Variants in ACOT1 observed in about 807,000 individuals in gnomAD.
ACOT1 encodes acyl-CoA thioesterase 1, also known as acyl-coenzyme A thioesterase 1.
A neutral mutation model predicts 15.7 loss-of-function variants in ACOT1; 8 were observed. The observed-to-expected ratio is 0.51, with a 90% CI of 0.30 to 0.92. The LOEUF is 0.92. Ranked by LOEUF, ACOT1 falls within the 40% of genes least tolerant of loss-of-function variation. ACOT1 has a pLI of 0.06. For synonymous variants in ACOT1, 67 were observed against 241.2 expected, an observed-to-expected ratio of 0.28 and a Z score of 6.69; for missense variants, 151 against 539.4, an observed-to-expected ratio of 0.28 and a Z score of 7.13.
the ACOT1 span, among the ~76,000 whole-genome samples, chr14:73,499,956 G>A: frequency 5.3e-5 from 8 of 152,294 alleles, no homozygotes; most frequent in South Asian, 2.1e-4. Context: ...TATGCCAGGC[G>A]CGGTGGCTCA....
the ACOT1 span, chr14:73,520,705 A>T: frequency 1.2e-5 from 8 of 695,408 alleles, no homozygotes; most frequent in African/African-American, 8.9e-5. Context: ...CTCCTGTGCT[A>T]GTGTGGGTGC....
At chr14:73,492,497 G>C in the ACOT1 span, 4 of 1,613,586 alleles carry the variant, frequency 2.5e-6, no homozygotes, top group Admixed American at 5.0e-5. This position sits in a 1 kb window ranked among gnomAD's most constrained non-coding sequence, Gnocchi z 4.9. Flanking sequence ...CTTTGCTCCT[G>C]TTGATGCTGT....
the ACOT1 span, among the ~76,000 whole-genome samples, chr14:73,519,801 A>G: frequency 6.6e-6 from 1 of 152,162 alleles, no homozygotes. Context: ...GCGGATCACA[A>G]GGTCAAGAGA....
the ACOT1 span, chr14:73,512,043 C>A: frequency 6.2e-7 from 1 of 1,614,076 alleles, no homozygotes; most frequent in Non-Finnish European, 8.5e-7. Flanking sequence ...GGGGCCGTTC[C>A]AAAGCAGCTG....
At chr14:73,512,025 G>A in the ACOT1 span, 2 of 1,613,840 alleles carry the variant, frequency 1.2e-6, no homozygotes, top group Non-Finnish European at 1.7e-6. Flanking sequence ...TCTGGCTGGT[G>A]GCAATCCGGG....
chr14:73,513,596 G>A, the ACOT1 span, among the ~76,000 whole-genome samples: 44 of 150,946 alleles, frequency 2.9e-4, no homozygotes, highest in African/African-American at 1.0e-3. Context: ...GTGTGGTGGC[G>A]GGTGCCTGTA....
the ACOT1 span, chr14:73,520,786 A>G: frequency 1.4e-6 from 2 of 1,448,388 alleles, no homozygotes; most frequent in South Asian, 1.3e-5. Context: ...TCCAGCCCCC[A>G]GCAATCTTCC....
the ACOT1 span, chr14:73,499,223 G>T: frequency 1.7e-6 from 2 of 1,186,896 alleles, no homozygotes; most frequent in Non-Finnish European, 2.5e-6. Context: ...GTGCACCCCT[G>T]TAATCCCAGC....
the ACOT1 span, chr14:73,521,162 C>A: frequency 3.7e-6 from 3 of 804,500 alleles, no homozygotes; most frequent in Non-Finnish European, 6.0e-6. Context: ...GTGAGCATTG[C>A]AGAACACCAA....
chr14:73,506,946 G>A, the ACOT1 span, among the ~76,000 whole-genome samples: 11 of 151,438 alleles, frequency 7.3e-5, no homozygotes, highest in African/African-American at 2.2e-4. Flanking sequence ...GATTACAGGC[G>A]CCTGCCACCA....
chr14:73,525,557 C>T, the ACOT1 span, among the ~76,000 whole-genome samples: 3 of 152,300 alleles, frequency 2.0e-5, no homozygotes, highest in African/African-American at 7.2e-5. Flanking sequence ...TGGCTACTCC[C>T]ACTGGCTGAA....
the ACOT1 span, chr14:73,491,167 G>A: frequency 3.1e-6 from 5 of 1,603,416 alleles, no homozygotes; most frequent in South Asian, 1.1e-5. Context: ...TATCCCGCAT[G>A]GCAGCGCTGA....
the ACOT1 span, among the ~76,000 whole-genome samples, chr14:73,511,265 CA>C: frequency 6.6e-6 from 1 of 152,054 alleles, no homozygotes; most frequent in Non-Finnish European, 1.5e-5. Context: ...GTAATCCCAG[CA>C]CTTTGGGAGG....
the ACOT1 span, chr14:73,508,147 A>C: frequency 6.2e-7 from 1 of 1,614,096 alleles, no homozygotes; most frequent in Non-Finnish European, 8.5e-7. Context: ...CTTCTCACTC[A>C]GATAGCTCAG....
the ACOT1 span, chr14:73,491,869 C>A: frequency 1.2e-6 from 2 of 1,610,842 alleles, no homozygotes; most frequent in African/African-American, 2.7e-5. Flanking sequence ...CGCTGCCCGC[C>A]GCCGCGTGGT....
the ACOT1 span, among the ~76,000 whole-genome samples, chr14:73,503,733 G>T: frequency 6.6e-6 from 1 of 152,170 alleles, no homozygotes; most frequent in South Asian, 2.1e-4. Context: ...AGCTGCTTCT[G>T]TTCTAGCTAT....
At position 73,537,843 on chromosome 14, in the gene ACOT1, C is replaced by G. The variant is rs199627073; in HGVS notation, c.422C>G (p.Ala141Gly). 3 of 1,198,172 alleles carry G rather than the reference C, an allele frequency of 2.5e-6. No homozygotes were observed. The highest frequency in any genetic ancestry group is 1.6e-5 in the African/African-American group (1 of 63,240). 74.2% of individuals were successfully genotyped at this position (1,198,172 alleles called of 1,614,324 possible). Residue 141 changes from alanine (A) to glycine (G), a missense_variant, in exon 1 of 3, where the codon GCG becomes GGG. Physicochemically the swap from Ala to Gly is moderately conservative, Grantham distance 60 (BLOSUM62 0). Transcript: ENST00000311148. Reference sequence around the variant, plus strand: ...GGGGTGCGGCGCGAGCCGGTGCGCGCGGGCCGGGTGCGAGGCACGCTCTTC... The same window carrying G: ...GGGGTGCGGCGCGAGCCGGTGCGCGGGGGCCGGGTGCGAGGCACGCTCTTC... ...PPGVRREPVR[A>G]GRVRGTLFLP... is the part of the protein sequence containing the mutation.
chr14:73,518,992 C>T, the ACOT1 span: 2 of 1,595,998 alleles, frequency 1.3e-6, no homozygotes, highest in South Asian at 2.3e-5. Flanking sequence ...CCGTTATTAA[C>T]CCCTGCCTTC....
chr14:73,526,375 A>G, the ACOT1 span, among the ~76,000 whole-genome samples: 1 of 152,180 alleles, frequency 6.6e-6, no homozygotes, highest in Middle Eastern at 3.2e-3. Context: ...CACAAGGACT[A>G]TATTCCTTAG....
Sources: gnomAD v4.1 joint callset for allele counts (sites outside exome capture counted in the v4.1 genomes callset) on GRCh38, gnomAD v4.1.1 for gene constraint, Gnocchi (gnomAD v3.1) non-coding constraint, MANE v1.5 for transcripts, NCBI Gene and HGNC (gene_info 2026-07-23, HGNC 2026-07-21) for gene names.